Variants in THOC1 observed in about 807,000 individuals in gnomAD.
THOC1 encodes the protein THO complex 1.
In THOC1, 29 loss-of-function variants were observed where a neutral mutation model predicts 97.3. That is an observed-to-expected ratio of 0.30 (90% confidence interval 0.22 to 0.41). The LOEUF (loss-of-function observed/expected upper bound fraction) is 0.41, where lower values mean the gene tolerates loss of function less well. Ranked by LOEUF, THOC1 falls within the 10% of genes least tolerant of loss-of-function variation. THOC1 has a pLI of 1.00. For synonymous variants in THOC1, 255 were observed against 257.0 expected (o/e 0.99, Z 0.07); for missense variants, 529 against 761.9 (o/e 0.69, Z 3.60).
intron 10 of THOC1, among the ~76,000 whole-genome samples, chr18:247,169 C>CA (rs1395084648): frequency 2.6e-5 from 4 of 152,096 alleles, no homozygotes; most frequent in African/African-American, 9.7e-5. Context: ...GCTGCCCCCA[C>CA]AAAAAATTGC....
intron 7 of THOC1, among the ~76,000 whole-genome samples, chr18:258,680 G>A (rs531183840): frequency 1.3e-5 from 2 of 152,262 alleles, no homozygotes; most frequent in East Asian, 3.9e-4. Flanking sequence ...ACATACTGGG[G>A]AGGCGGAAGG....
At chr18:249,918 T>C (rs1438157963) in intron 9 of THOC1, among the ~76,000 whole-genome samples, 1 of 152,178 alleles carries the variant, frequency 6.6e-6, no homozygotes. Context: ...GGAAAGTTTG[T>C]CTCTTAAAAA....
intron 17 of THOC1, among the ~76,000 whole-genome samples, chr18:220,207 G>T (rs1911030582): frequency 6.6e-6 from 1 of 152,100 alleles, no homozygotes; most frequent in Non-Finnish European, 1.5e-5. Context: ...TCTCCTTGTA[G>T]ATGAACTGAT....
At chr18:246,132 C>T in intron 11 of THOC1, 192 bp downstream of exon 11, 1 of 470,010 alleles carries the variant, frequency 2.1e-6, no homozygotes, top group East Asian at 3.9e-5. Context: ...ACTACTTTCA[C>T]CTTTGAAACC....
At chr18:229,234 C>G (rs1911398946) in intron 11 of THOC1, among the ~76,000 whole-genome samples, 1 of 152,194 alleles carries the variant, frequency 6.6e-6, no homozygotes, top group African/African-American at 2.4e-5. Context: ...AAGCTCCTTT[C>G]CATAAGCATT....
chr18:233,207 GAATT>G, intron 11 of THOC1, among the ~76,000 whole-genome samples: 1 of 152,134 alleles, frequency 6.6e-6, no homozygotes, highest in Non-Finnish European at 1.5e-5. Flanking sequence ...AATTAACCTG[GAATT>G]GATTAACCTA....
intron 16 of THOC1, 150 bp downstream of exon 16, chr18:223,934 G>T: frequency 1.6e-6 from 1 of 624,676 alleles, no homozygotes; most frequent in Non-Finnish European, 2.8e-6. Flanking sequence ...CCCACACAAT[G>T]GGCAGTATAG....
chr18:215,752 T>A, intron 19 of THOC1: 1 of 437,970 alleles, frequency 2.3e-6, no homozygotes, highest in Non-Finnish European at 4.1e-6. Flanking sequence ...AAGCAGGAAG[T>A]CAGTAAAAAG....
chr18:215,345 GATCA>G, intron 20 of THOC1, 80 bp downstream of exon 20: 2 of 1,026,414 alleles, frequency 1.9e-6, no homozygotes, highest in South Asian at 2.8e-5. Context: ...TTGAGAAGTC[GATCA>G]AATTAAATAA....
At chr18:225,290 T>C (rs763574605) in intron 13 of THOC1, 47 bp downstream of exon 13, 1 of 1,603,590 alleles carries the variant, frequency 6.2e-7, no homozygotes, top group African/African-American at 1.3e-5. Flanking sequence ...AAGAAAATCC[T>C]AAATTTCCAT....
chr18:216,287 A>C, intron 19 of THOC1, 199 bp downstream of exon 19: 1 of 622,334 alleles, frequency 1.6e-6, no homozygotes, highest in Non-Finnish European at 2.7e-6. Flanking sequence ...TGTACAGAAA[A>C]TTATCAGTTA....
chr18:214,885 T>A lies in THOC1; in HGVS notation c.1715A>T (p.Glu572Val). Reference protein sequence around the residue: ...DVRRDKPVTGEQIEVFANKLG... With the variant: ...DVRRDKPVTGVQIEVFANKLG... ...CTTGTTGGCAAATACCTCTATTTGT[T>A]CTCCTGTTACAGGTTTGTCTCGCCG... is the stretch of plus-strand genomic sequence containing the variant. Residue 572 changes from glutamate to valine, a missense_variant, in exon 21 of 21, where the codon GAA (glutamate) becomes GTA (valine). Glu to Val is a moderately radical substitution (Grantham distance 121, BLOSUM62 -2). This residue lies in a region of THOC1 where 98 missense variants were observed against 111.9 expected (regional missense o/e 0.88). Transcript: ENST00000261600. The A allele has an allele frequency of 6.2e-7, 1 of 1,613,976 alleles. No individual in the cohort carries two copies. Among genetic ancestry groups the A allele is most frequent in the Non-Finnish European group, 8.5e-7 (1 of 1,179,868 alleles).
chr18:215,011 C>T, intron 20 of THOC1, 90 bp from the exon 21 acceptor site: 2 of 1,085,810 alleles, frequency 1.8e-6, no homozygotes, highest in Non-Finnish European at 2.7e-6. Flanking sequence ...TATTAACCAC[C>T]TTTAGTAGAC....
At position 229,441 on chromosome 18, in the gene THOC1, G is replaced by A. The variant is rs547435186; in HGVS notation, c.919-2540C>T. Among the ~76,000 whole-genome samples the A allele has an allele frequency of 2.7e-3, 412 of 152,232 alleles. 6 individuals are homozygous for A. The highest frequency in any genetic ancestry group is 1.9e-3 in the Non-Finnish European group (127 of 68,016). On this transcript the variant is annotated intron_variant, in intron 11 of 20. Coordinates refer to ENST00000261600, the MANE Select transcript of THOC1 (RefSeq NM_005131.3). ...TCACGCCTGTAATCCCAGCACTTTGGGAGGCTGAGGCGGGCGGATCACAAG... is the reference window on the plus strand; with the variant it reads ...TCACGCCTGTAATCCCAGCACTTTGAGAGGCTGAGGCGGGCGGATCACAAG...
chr18:220,808 C>A (rs189660043), intron 17 of THOC1, among the ~76,000 whole-genome samples: 1 of 151,946 alleles, frequency 6.6e-6, no homozygotes, highest in East Asian at 1.9e-4. Flanking sequence ...TTTTATTGAT[C>A]TTCTCTTTTG....
At chr18:245,707 T>C (rs1912066132) in intron 11 of THOC1, 1 of 152,534 alleles carries the variant, frequency 6.6e-6, no homozygotes, top group African/African-American at 2.4e-5. Flanking sequence ...GGATAGAGAG[T>C]CCAGCAGGCC....
intron 4 of THOC1, among the ~76,000 whole-genome samples, chr18:263,089 C>CT (rs986685022): frequency 4.6e-4 from 70 of 151,302 alleles, no homozygotes; most frequent in East Asian, 2.5e-3. Context: ...TGCAGCTGCT[C>CT]TTTTTTTTTG....
At position 216,630 on chromosome 18, in the gene THOC1, A is replaced by G; in HGVS notation, c.1458T>C (p.Ala486=). Residue 486 remains alanine, a synonymous_variant, in exon 19 of 21, where the codon GCT becomes GCC. Transcript: ENST00000261600. The part of the protein sequence containing the change: ...PENMVENEYK[A]VNNSNYGWRA... Reference sequence around the variant, plus strand: ...TCCAACCATAATTTGAATTGTTCACAGCCCTATAAAAAGAGGTGTCAGGCT... The same window carrying G: ...TCCAACCATAATTTGAATTGTTCACGGCCCTATAAAAAGAGGTGTCAGGCT... 6.2e-7 allele frequency: 1 copy of G among 1,611,452 alleles called. No homozygotes were observed. Among genetic ancestry groups the G allele is most frequent in the South Asian group, 1.1e-5 (1 of 90,432 alleles).
At chr18:224,648 C>T (rs1161566381) in intron 15 of THOC1, among the ~76,000 whole-genome samples, 2 of 151,480 alleles carry the variant, frequency 1.3e-5, no homozygotes, top group Non-Finnish European at 2.9e-5. Flanking sequence ...AAAAATGCCA[C>T]ATTATATGGC....
Sources: allele counts gnomAD v4.1 joint callset (sites outside exome capture counted in the v4.1 genomes callset), GRCh38; gene constraint gnomAD v4.1.1; regional missense constraint gnomAD v4.1.1; transcripts MANE v1.5; gene names NCBI Gene and HGNC (gene_info 2026-07-23, HGNC 2026-07-21).